Variants in CSMD1 observed in about 807,000 individuals in gnomAD.
The protein encoded by CSMD1 is CUB and sushi domain-containing protein 1.
CSMD1 carries 213 observed loss-of-function variants against 417.5 expected under a neutral mutation model. That is an observed-to-expected ratio of 0.51 (90% CI 0.46 to 0.57). The LOEUF (loss-of-function observed/expected upper bound fraction) is 0.57. CSMD1 is among the 20% of genes least tolerant of loss of function. CSMD1 has a pLI of 0.00. For missense variants in CSMD1, 6,923 were observed against 4,529.7 expected (o/e 1.53, Z -15.17); for synonymous variants, 2,862 against 1,736.8 (o/e 1.65, Z -16.11).
intron 10 of CSMD1, among the ~76,000 whole-genome samples, chr8:3,560,003 T>G (rs936799170): frequency 6.6e-6 from 1 of 151,890 alleles, no homozygotes; most frequent in Non-Finnish European, 1.5e-5. Context: ...ACAAGATGAG[T>G]GGCCAGCGTA....
intron 5 of CSMD1, among the ~76,000 whole-genome samples, chr8:3,916,560 G>A (rs1165585154): frequency 6.6e-6 from 1 of 152,140 alleles, no homozygotes; most frequent in Non-Finnish European, 1.5e-5. Context: ...GATTATGTAT[G>A]AAGTATGATT....
intron 3 of CSMD1, among the ~76,000 whole-genome samples, chr8:4,086,821 A>T (rs1278465589): frequency 6.6e-6 from 1 of 152,152 alleles, no homozygotes; most frequent in Non-Finnish European, 1.5e-5. Context: ...TGAGATGAAA[A>T]CTTTGCATGC....
chr8:3,072,742 T>G (rs372731951), intron 49 of CSMD1, among the ~76,000 whole-genome samples: 1 of 152,172 alleles, frequency 6.6e-6, no homozygotes, highest in African/African-American at 2.4e-5. Context: ...AGTGAAGGCA[T>G]GAGGTTCTTC....
chr8:4,238,930 T>C (rs543232595), intron 3 of CSMD1, among the ~76,000 whole-genome samples: 40 of 152,354 alleles, frequency 2.6e-4, no homozygotes, highest in Admixed American at 1.0e-3. Context: ...GTTCTACATA[T>C]GATTTTCTAC....
At position 3,739,498 on chromosome 8, in the gene CSMD1, ATC is replaced by A. The variant is rs374214633; in HGVS notation, c.931+14430_931+14431del. ...CACTACACATATTATGTTTCAAAAT[ATC>A]TCTCTGTATTCCACAAATATGTATA... On this transcript the variant is annotated intron_variant, in intron 6 of 69. Coordinates refer to ENST00000635120, the MANE Select transcript of CSMD1 (RefSeq NM_033225.6). Among the ~76,000 whole-genome samples the A allele has an allele frequency of 1.1e-4, 17 of 152,334 alleles. No individual in the cohort carries two copies. In the East Asian group the frequency reaches 3.3e-3, roughly 29 times the overall value.
chr8:3,716,726 C>T (rs1801862901), intron 6 of CSMD1, among the ~76,000 whole-genome samples: 1 of 152,124 alleles, frequency 6.6e-6, no homozygotes, highest in Admixed American at 6.5e-5. Flanking sequence ...TTTCTCCAGC[C>T]CCTATTCAAG....
At chr8:4,411,679 T>C (rs1383553254) in intron 3 of CSMD1, among the ~76,000 whole-genome samples, 1 of 152,202 alleles carries the variant, frequency 6.6e-6, no homozygotes, top group Non-Finnish European at 1.5e-5. Flanking sequence ...CATTTTCTCC[T>C]ACACGTTTCT....
chr8:4,728,577 G>C (rs1165790821), intron 1 of CSMD1, among the ~76,000 whole-genome samples: 2 of 152,208 alleles, frequency 1.3e-5, no homozygotes, highest in East Asian at 1.9e-4. Context: ...ATTCAGCTCT[G>C]TTACTGATAC....
chr8:4,064,590 G>A (rs1799147008), intron 3 of CSMD1, among the ~76,000 whole-genome samples: 1 of 152,184 alleles, frequency 6.6e-6, no homozygotes, highest in African/African-American at 2.4e-5. Context: ...TCATACAACT[G>A]CCGTTTCCGA....
chr8:4,828,639 G>T lies in CSMD1; in HGVS notation c.85+165693C>A, dbSNP rs530609893. ...AATCCCTTTCTTTAAAACTGAGAAC[G>T]TTACTCGGCATGGGGTTGGCAATAT... On this transcript the variant is annotated intron_variant, in intron 1 of 69. Transcript: ENST00000635120. Among the ~76,000 whole-genome samples the T allele has an allele frequency of 2.0e-4, 31 of 152,126 alleles. No individual in the cohort carries two copies. The South Asian group carries it at 6.4e-3, about 32-fold the overall frequency.
chr8:4,094,083 C>T (rs576000641), intron 3 of CSMD1, among the ~76,000 whole-genome samples: 3 of 152,164 alleles, frequency 2.0e-5, no homozygotes, highest in African/African-American at 7.2e-5. Context: ...GGAAGTGACG[C>T]TGTGTGGATG....
At chr8:3,533,383 T>C (rs1798059789) in intron 10 of CSMD1, among the ~76,000 whole-genome samples, 1 of 152,194 alleles carries the variant, frequency 6.6e-6, no homozygotes, top group Admixed American at 6.5e-5. Context: ...CCTTGAACAG[T>C]GACTCCTCAT....
chr8:4,220,801 C>G (rs144254013), intron 3 of CSMD1, among the ~76,000 whole-genome samples: 11 of 152,144 alleles, frequency 7.2e-5, no homozygotes, highest in African/African-American at 2.4e-4. Context: ...ACGCACCGAA[C>G]GCAGCTCAGG....
At position 3,636,408 on chromosome 8, in the gene CSMD1, C is replaced by T. The variant is rs1177031075; in HGVS notation, c.1010-19611G>A. Among the ~76,000 whole-genome samples the T allele has an allele frequency of 2.6e-5, 4 of 152,144 alleles. No homozygotes were observed. In the East Asian group the frequency reaches 7.7e-4, roughly 29 times the overall value. ...GGCTAGGCTGGTCTCAGACTCCTGA[C>T]CTCAGGTGATCCGCCCGCCTCAGCC... On this transcript the variant is annotated intron_variant, in intron 7 of 69. Transcript: ENST00000635120.
intron 1 of CSMD1, among the ~76,000 whole-genome samples, chr8:4,706,149 T>G (rs1390169105): frequency 6.6e-6 from 1 of 150,730 alleles, no homozygotes; most frequent in African/African-American, 2.4e-5. Context: ...TATTAAAATT[T>G]TATGTATTTA....
chr8:3,215,095 A>G (rs1328779747), intron 29 of CSMD1, among the ~76,000 whole-genome samples: 1 of 152,222 alleles, frequency 6.6e-6, no homozygotes, highest in Non-Finnish European at 1.5e-5. Flanking sequence ...ACATATTAAC[A>G]TAAAATCATT....
intron 4 of CSMD1, among the ~76,000 whole-genome samples, chr8:4,015,425 G>C (rs1796474097): frequency 6.6e-6 from 1 of 151,948 alleles, no homozygotes; most frequent in Non-Finnish European, 1.5e-5. Flanking sequence ...AGTTCATATA[G>C]AATTGGCAAG....
chr8:4,957,808 G>C (rs1328519625), intron 1 of CSMD1, among the ~76,000 whole-genome samples: 2 of 152,282 alleles, frequency 1.3e-5, no homozygotes, highest in South Asian at 2.1e-4. Flanking sequence ...GGGTGTACTA[G>C]CTAAGTAGGT....
intron 3 of CSMD1, among the ~76,000 whole-genome samples, chr8:4,381,939 A>T (rs772420113): frequency 6.6e-6 from 1 of 152,086 alleles, no homozygotes. Flanking sequence ...AAATTTAAGT[A>T]TGTGTAGAAT....
Sources: gnomAD v4.1 joint callset for allele counts (sites outside exome capture counted in the v4.1 genomes callset) on GRCh38, gnomAD v4.1.1 for gene constraint, MANE v1.5 for transcripts, NCBI Gene and HGNC (gene_info 2026-07-23, HGNC 2026-07-21) for gene names.